Variants in TBCK observed in about 807,000 individuals in gnomAD.
The protein encoded by TBCK is TBC domain-containing protein kinase-like protein.
A neutral mutation model predicts 113.4 loss-of-function variants in TBCK; 99 were observed. That is an observed-to-expected ratio of 0.87 (90% CI 0.74 to 1.03). The LOEUF (loss-of-function observed/expected upper bound fraction) is 1.03, where lower values mean the gene tolerates loss of function less well. TBCK is among the 50% of genes least tolerant of loss of function. The pLI is 0.00. For synonymous variants in TBCK, 369 were observed against 370.8 expected, an observed-to-expected ratio of 1.00 and a Z score of 0.05; for missense variants, 1,045 against 1,061.3, an observed-to-expected ratio of 0.98 and a Z score of 0.21.
intron 2 of TBCK, among the ~76,000 whole-genome samples, chr4:106,304,327 C>A (rs1263194392): frequency 1.2e-4 from 18 of 152,110 alleles, no homozygotes; most frequent in Admixed American, 1.2e-3. Flanking sequence ...CCAAAAAGAA[C>A]AATAAAGCAA....
At chr4:106,261,819 G>T (rs1264479423) in intron 4 of TBCK, among the ~76,000 whole-genome samples, 1 of 151,736 alleles carries the variant, frequency 6.6e-6, no homozygotes, top group African/African-American at 2.4e-5. Flanking sequence ...ACGCCACAAG[G>T]CTTTAGAAAT....
At position 106,044,481 on chromosome 4, in the gene TBCK, GT is replaced by G. The variant is rs1394624074; in HGVS notation, c.*2088del. ...TGATATAACTATGGATTATATTAGT[GT>G]CTTAGAAATACATAGTAGGTATTCA... On this transcript the variant is annotated 3_prime_UTR_variant, in exon 26 of 26. Coordinates refer to ENST00000394708, the MANE Select transcript of TBCK (RefSeq NM_001163435.3). The G allele has an allele frequency of 6.6e-6, 1 of 152,088 alleles. No individual in the cohort carries two copies. The highest frequency in any genetic ancestry group is 1.5e-5 in the Non-Finnish European group (1 of 68,024). 9.4% of individuals were successfully genotyped at this position (152,088 alleles called of 1,614,324 possible).
chr4:106,233,757 C>G (rs1759143060), intron 15 of TBCK, 107 bp from the exon 16 acceptor site: 2 of 850,464 alleles, frequency 2.4e-6, no homozygotes, highest in Non-Finnish European at 3.7e-6. Flanking sequence ...ACCTACCCAA[C>G]TACAGATAAG....
At chr4:106,061,438 CT>C (rs34326247) in intron 25 of TBCK, among the ~76,000 whole-genome samples, 3,951 of 141,984 alleles carry the variant, frequency 0.028, 159 homozygotes, top group African/African-American at 0.095. Flanking sequence ...TGTTAGCATA[CT>C]TTTTTTTTTT....
intron 23 of TBCK, among the ~76,000 whole-genome samples, chr4:106,161,226 A>C (rs916247256): frequency 2.0e-5 from 3 of 152,176 alleles, no homozygotes; most frequent in Non-Finnish European, 4.4e-5. Context: ...TCACAATAAA[A>C]AAATTAGAAA....
At chr4:106,172,594 G>T (rs908807280) in intron 22 of TBCK, among the ~76,000 whole-genome samples, 7 of 152,114 alleles carry the variant, frequency 4.6e-5, no homozygotes, top group Non-Finnish European at 1.0e-4. Flanking sequence ...TTACATGTCA[G>T]AAAGTGGTAA....
At chr4:106,060,381 TC>T (rs1212408298) in intron 25 of TBCK, among the ~76,000 whole-genome samples, 1 of 151,694 alleles carries the variant, frequency 6.6e-6, no homozygotes, top group African/African-American at 2.4e-5. Flanking sequence ...CACTGACCAT[TC>T]CAAAATCCTA....
intron 5 of TBCK, among the ~76,000 whole-genome samples, chr4:106,255,790 A>G (rs1318554429): frequency 6.6e-6 from 1 of 152,166 alleles, no homozygotes. Flanking sequence ...CTTGTCCTGC[A>G]TCCAAGAAGA....
intron 23 of TBCK, among the ~76,000 whole-genome samples, chr4:106,159,398 A>G (rs1206627826): frequency 6.6e-6 from 1 of 152,144 alleles, no homozygotes; most frequent in East Asian, 1.9e-4. Context: ...AACATTACAC[A>G]AAACACTGTT....
chr4:106,188,267 T>C (rs577468352), intron 22 of TBCK, among the ~76,000 whole-genome samples: 1 of 152,214 alleles, frequency 6.6e-6, no homozygotes, highest in African/African-American at 2.4e-5. Context: ...TACATTTTGG[T>C]CCTTACATTC....
At chr4:106,316,367 G>T (rs73839427), upstream of TBCK, 8 of 609,326 alleles carry the variant, frequency 1.3e-5, 1 homozygote, top group South Asian at 8.2e-5. Context: ...GGGGGGGGTC[G>T]ATTGAAAATA....
intron 23 of TBCK, among the ~76,000 whole-genome samples, chr4:106,151,468 T>C (rs1198887133): frequency 1.3e-5 from 2 of 152,038 alleles, no homozygotes; most frequent in Non-Finnish European, 2.9e-5. Context: ...ACAAAGTCTG[T>C]CTTTTTGTGC....
chr4:106,255,805 G>A (rs1392950184), intron 5 of TBCK, among the ~76,000 whole-genome samples: 1 of 152,136 alleles, frequency 6.6e-6, no homozygotes, highest in Non-Finnish European at 1.5e-5. Flanking sequence ...AGAAGAATAA[G>A]GTACATGGAC....
At chr4:106,090,608 C>T (rs1740108176) in intron 25 of TBCK, among the ~76,000 whole-genome samples, 1 of 152,070 alleles carries the variant, frequency 6.6e-6, no homozygotes, top group Non-Finnish European at 1.5e-5. Flanking sequence ...AACTTTAAGT[C>T]TTTTATTTGC....
chr4:106,150,912 C>T (rs561920194), intron 23 of TBCK, among the ~76,000 whole-genome samples: 37 of 152,148 alleles, frequency 2.4e-4, no homozygotes, highest in South Asian at 1.9e-3. Context: ...TACTATTTCT[C>T]AGAGCTTTGA....
intron 25 of TBCK, among the ~76,000 whole-genome samples, chr4:106,080,025 C>G (rs1379588875): frequency 6.6e-6 from 1 of 152,152 alleles, no homozygotes; most frequent in African/African-American, 2.4e-5. Context: ...CCTCCTCTAA[C>G]AATTCGACAT....
At chr4:106,125,167 G>A (rs373980805) in intron 23 of TBCK, among the ~76,000 whole-genome samples, 12 of 152,204 alleles carry the variant, frequency 7.9e-5, no homozygotes, top group African/African-American at 2.9e-4. Context: ...ACAGCATGGA[G>A]GTTCCTCAAA....
At chr4:106,067,921 G>A (rs556581554) in intron 25 of TBCK, among the ~76,000 whole-genome samples, 1 of 152,026 alleles carries the variant, frequency 6.6e-6, no homozygotes, top group Non-Finnish European at 1.5e-5. Flanking sequence ...CAAGAAGTAT[G>A]AGTCCTCTGA....
At chr4:106,245,093 C>T (rs1760650186) in intron 10 of TBCK, among the ~76,000 whole-genome samples, 1 of 152,104 alleles carries the variant, frequency 6.6e-6, no homozygotes, top group South Asian at 2.1e-4. Flanking sequence ...CCTCAGGAAC[C>T]AGTGCCAAGT....
Sources: allele counts gnomAD v4.1 joint callset (sites outside exome capture counted in the v4.1 genomes callset), GRCh38; gene constraint gnomAD v4.1.1; transcripts MANE v1.5; gene names NCBI Gene and HGNC (gene_info 2026-07-23, HGNC 2026-07-21).